The following PRIMPOL variants were observed in gnomAD, a reference collection of about 807,000 sequenced individuals.
PRIMPOL encodes the protein DNA-directed primase/polymerase protein.
A neutral mutation model predicts 63.6 loss-of-function variants in PRIMPOL; 54 were observed. The ratio of observed to expected loss-of-function variants is 0.85; its 90% CI spans 0.68 to 1.07. The LOEUF (loss-of-function observed/expected upper bound fraction) is 1.07, where lower values mean the gene tolerates loss of function less well. PRIMPOL is among the 50% of genes least tolerant of loss of function. The pLI is 0.00. For synonymous variants in PRIMPOL, 197 were observed against 220.2 expected, an observed-to-expected ratio of 0.89 and a Z score of 0.93; for missense variants, 610 against 648.3, an observed-to-expected ratio of 0.94 and a Z score of 0.64.
chr4:184,654,740 C>T (rs904352105), intron 2 of PRIMPOL, among the ~76,000 whole-genome samples: 3 of 152,106 alleles, frequency 2.0e-5, no homozygotes, highest in Admixed American at 1.3e-4. Flanking sequence ...GCGTGAGCCA[C>T]CGCGCCCGGC....
intron 3 of PRIMPOL, among the ~76,000 whole-genome samples, chr4:184,658,069 A>G (rs566867038): frequency 7.8e-6 from 1 of 128,818 alleles, no homozygotes; most frequent in East Asian, 3.6e-4. Flanking sequence ...TGTATTGCAC[A>G]TTCTTTTTTT....
intron 7 of PRIMPOL, among the ~76,000 whole-genome samples, chr4:184,674,066 G>A (rs1225345486): frequency 1.3e-5 from 2 of 152,112 alleles, no homozygotes; most frequent in Non-Finnish European, 2.9e-5. Context: ...CAGGGAGAGC[G>A]GCAGTGGCCA....
Position 184,672,384 on chromosome 4 carries a change from T to A in PRIMPOL, c.768T>A (p.Ala256=). 1 of 1,614,146 alleles carries A rather than the reference T, an allele frequency of 6.2e-7. No individual in the cohort carries two copies. Among genetic ancestry groups the A allele is most frequent in the Non-Finnish European group, 8.5e-7 (1 of 1,180,012 alleles). The stretch of plus-strand genomic sequence containing the variant: ...AGAAACTGGAGAGGCTGGGGTCAGC[T>A]GAGCAAAGCAGTCCTGACCTTTCAT... ...NSKKLERLGS[A]EQSSPDLSFL... The change falls in exon 7 of 14, where the codon GCT becomes GCA. Residue 256 remains alanine (A), a synonymous_variant. Coordinates refer to ENST00000314970, the MANE Select transcript of PRIMPOL (RefSeq NM_152683.4).
At chr4:184,684,264 T>G (rs903670781) in intron 9 of PRIMPOL, among the ~76,000 whole-genome samples, 1 of 152,088 alleles carries the variant, frequency 6.6e-6, no homozygotes, top group African/African-American at 2.4e-5. Context: ...AAGACCAGCC[T>G]GACCAATGCA....
intron 8 of PRIMPOL, among the ~76,000 whole-genome samples, chr4:184,681,035 A>G (rs1020220087): frequency 6.6e-6 from 1 of 152,178 alleles, no homozygotes; most frequent in Non-Finnish European, 1.5e-5. Flanking sequence ...CGATTACCCA[A>G]TCTCGTTTCT....
At position 184,691,677 on chromosome 4, in the gene PRIMPOL, C is replaced by T; in HGVS notation, c.1390C>T (p.Pro464Ser). 1.2e-6 allele frequency: 2 copies of T among 1,612,344 alleles called. No individual in the cohort carries two copies. Among genetic ancestry groups the T allele is most frequent in the Non-Finnish European group, 1.7e-6 (2 of 1,178,626 alleles). ...TCTTTCTGATTCAGGTTTCCCATTA[C>T]CTGCTGAAGTATGTCTCCTGTTTCT... ...ENFKSDCFPL[P>S]AEVCLLFLFK... The change falls in exon 13 of 14, where the codon CCT becomes TCT. Residue 464 changes from proline to serine, a missense_variant. Physicochemically the swap from Pro to Ser is moderately conservative, Grantham distance 74. Around this residue, in one of 3 missense-constraint regions of PRIMPOL, gnomAD observed 444 missense variants for 456.4 expected, o/e 0.97. Transcript: ENST00000314970.
At chr4:184,689,121 G>GT (rs1447362093) in intron 11 of PRIMPOL, among the ~76,000 whole-genome samples, 1 of 152,030 alleles carries the variant, frequency 6.6e-6, no homozygotes, top group African/African-American at 2.4e-5. Flanking sequence ...CCAGGCTTGA[G>GT]GACAGAGTGC....
chr4:184,657,460 A>G, intron 3 of PRIMPOL, 140 bp downstream of exon 3: 1 of 629,830 alleles, frequency 1.6e-6, no homozygotes. Flanking sequence ...CTACCAAGAA[A>G]ATTTAATGGC....
At chr4:184,684,297 A>C (rs1240675456) in intron 9 of PRIMPOL, among the ~76,000 whole-genome samples, 1 of 152,052 alleles carries the variant, frequency 6.6e-6, no homozygotes, top group Admixed American at 6.6e-5. Context: ...CTCTACTAAA[A>C]ATACAAAAAT....
At chr4:184,681,754 T>C (rs1755685560) in intron 8 of PRIMPOL, among the ~76,000 whole-genome samples, 2 of 152,130 alleles carry the variant, frequency 1.3e-5, no homozygotes, top group Non-Finnish European at 2.9e-5. Context: ...TTTGTATTTT[T>C]AGTAGACAGG....
rs373815184 is a variant in PRIMPOL at position 184,682,192 on chromosome 4, G to A, written c.1008-56G>A. On this transcript the variant is annotated intron_variant, in intron 8 of 13. Coordinates refer to ENST00000314970, the MANE Select transcript of PRIMPOL (RefSeq NM_152683.4). The stretch of plus-strand genomic sequence containing the variant: ...AATTCAGTGTCCTTTCTGTAGCCAG[G>A]CCTTGTTAGTTCCAGTGTGATGGTG... 566 of 859,458 alleles carry A rather than the reference G, an allele frequency of 6.6e-4. 2 individuals are homozygous for A. The highest frequency in any genetic ancestry group is 3.4e-3 in the South Asian group (230 of 67,480). 53.2% of individuals were successfully genotyped at this position (859,458 alleles called of 1,614,324 possible).
intron 1 of PRIMPOL, among the ~76,000 whole-genome samples, chr4:184,651,330 C>G (rs1419963686): frequency 6.6e-6 from 1 of 151,964 alleles, no homozygotes; most frequent in Non-Finnish European, 1.5e-5. Context: ...TTTGCTGTTG[C>G]TAAAAAGACA....
chr4:184,691,824 T>G lies in PRIMPOL; in HGVS notation c.1425+112T>G, dbSNP rs562833815. On this transcript the variant is annotated intron_variant, in intron 13 of 13. Coordinates refer to ENST00000314970, the MANE Select transcript of PRIMPOL (RefSeq NM_152683.4). ...ATTGAAACCCATTTGCTACCTTGTT[T>G]TCACTTATGACTGTATTATAGGAAT... 2.1e-3 allele frequency: 1,618 copies of G among 764,142 alleles called. 6 individuals are homozygous for G. Among genetic ancestry groups the G allele is most frequent in the Non-Finnish European group, 3.4e-3 (1,505 of 447,002 alleles). 47.3% of individuals were successfully genotyped at this position (764,142 alleles called of 1,614,324 possible).
Position 184,694,547 on chromosome 4 carries a change from C to G in PRIMPOL, c.1451C>G (p.Ala484Gly), listed in dbSNP as rs899812164. The G allele has an allele frequency of 2.1e-5, 34 of 1,598,248 alleles. No individual in the cohort carries two copies. In the Admixed American group the frequency reaches 4.6e-4, roughly 21 times the overall value. Residue 484 changes from alanine (A) to glycine (G), a missense_variant, in exon 14 of 14, where the codon GCA (alanine) becomes GGA (glycine). Around this residue, in one of 3 missense-constraint regions of PRIMPOL, gnomAD observed 444 missense variants for 456.4 expected, o/e 0.97. Coordinates refer to ENST00000314970, the MANE Select transcript of PRIMPOL (RefSeq NM_152683.4). ...GAAGAAGAGTTTACAACAGATGAAG[C>G]AGATGAAACTAGGAGCAATGAAACC... Reference protein sequence around the residue: ...KEEEEFTTDEADETRSNETQN... With the variant: ...KEEEEFTTDEGDETRSNETQN...
At chr4:184,671,008 T>G (rs1751459055) in intron 6 of PRIMPOL, among the ~76,000 whole-genome samples, 1 of 152,242 alleles carries the variant, frequency 6.6e-6, no homozygotes, top group Admixed American at 6.5e-5. Context: ...CTTACAGTAT[T>G]GCATTTCTTG....
At chr4:184,650,706 A>G (rs1358535594) in intron 1 of PRIMPOL, among the ~76,000 whole-genome samples, 1 of 152,194 alleles carries the variant, frequency 6.6e-6, no homozygotes, top group Non-Finnish European at 1.5e-5. Context: ...ATTCACCAAC[A>G]CATGTGAGCA....
rs145554992 is a variant in PRIMPOL, at chr4:184,672,434, G to T, written c.818G>T (p.Gly273Val). The stretch of plus-strand genomic sequence containing the variant: ...TTTCTAGTTGTGAAGAATAACATGG[G>T]AGAGAAGCATCTTTTTGTAGATCTC... ...LSFLVVKNNM[G>V]EKHLFVDLGV... The change falls in exon 7 of 14, where the codon GGA becomes GTA. Residue 273 changes from glycine (G) to valine (V), a missense_variant. Transcript: ENST00000314970. 10 of 1,610,110 alleles carry T rather than the reference G, an allele frequency of 6.2e-6. No individual in the cohort carries two copies. In the African/African-American group the frequency reaches 1.3e-4, roughly 22 times the overall value.
intron 2 of PRIMPOL, among the ~76,000 whole-genome samples, chr4:184,655,568 C>A (rs1221514843): frequency 6.6e-6 from 1 of 152,164 alleles, no homozygotes; most frequent in Non-Finnish European, 1.5e-5. Flanking sequence ...GATCCACCCG[C>A]CTCAGCGTCC....
chr4:184,664,649 C>T (rs920798415), intron 5 of PRIMPOL, among the ~76,000 whole-genome samples: 13 of 152,174 alleles, frequency 8.5e-5, no homozygotes, highest in African/African-American at 2.4e-5. Context: ...TACTTTCCTT[C>T]TCACGTCCCA....
Sources: allele counts gnomAD v4.1 joint callset (sites outside exome capture counted in the v4.1 genomes callset), GRCh38; gene constraint gnomAD v4.1.1; regional missense constraint gnomAD v4.1.1; transcripts MANE v1.5; gene names NCBI Gene and HGNC (gene_info 2026-07-23, HGNC 2026-07-21).